The following SLC26A7 variants were observed in gnomAD, a reference collection of about 807,000 sequenced individuals.
SLC26A7 encodes the protein solute carrier family 26 member 7.
SLC26A7 carries 59 observed loss-of-function variants against 82.5 expected under a neutral mutation model. The observed-to-expected ratio is 0.72, with a 90% CI of 0.58 to 0.89. The LOEUF (loss-of-function observed/expected upper bound fraction) is 0.89, where lower values mean the gene tolerates loss of function less well. SLC26A7 is among the 40% of genes least tolerant of loss of function. The probability of loss-of-function intolerance (pLI) is 0.00; values close to 1 mark genes in which losing one functional copy is unlikely to be tolerated. For synonymous variants in SLC26A7, 271 were observed against 274.3 expected (o/e 0.99, Z 0.12); for missense variants, 820 against 793.0 (o/e 1.03, Z -0.41).
intron 2 of SLC26A7, among the ~76,000 whole-genome samples, chr8:91,254,610 A>G (rs1398354693): frequency 5.3e-5 from 8 of 152,056 alleles, no homozygotes; most frequent in African/African-American, 1.4e-4. Flanking sequence ...CAGCAGCTTT[A>G]TTAGACTGCC....
At chr8:91,394,916 A>T in intron 18 of SLC26A7, 146 bp from the exon 19 acceptor site, 1 of 929,514 alleles carries the variant, frequency 1.1e-6, no homozygotes, top group South Asian at 1.8e-5. Context: ...GGAGCTTTGA[A>T]CTGCTCTACT....
chr8:91,279,283 A>G (rs1811501914), intron 2 of SLC26A7, among the ~76,000 whole-genome samples: 1 of 151,272 alleles, frequency 6.6e-6, no homozygotes, highest in Non-Finnish European at 1.5e-5. Context: ...TTTTCGATAT[A>G]CTGATTTCAT....
chr8:91,308,918 A>T (rs1812399854), intron 4 of SLC26A7, among the ~76,000 whole-genome samples: 1 of 152,086 alleles, frequency 6.6e-6, no homozygotes, highest in Non-Finnish European at 1.5e-5. Flanking sequence ...CTACAAGATA[A>T]TCCAGGTTCA....
chr8:91,234,886 TTCTCTCTC>T (rs368880426), intron 2 of SLC26A7, among the ~76,000 whole-genome samples: 1 of 144,064 alleles, frequency 6.9e-6, no homozygotes, highest in Admixed American at 7.0e-5. Flanking sequence ...CCTCCTTCCT[TTCTCTCTC>T]TCTCTCTCTC....
chr8:91,261,088 G>A (rs11989859), intron 2 of SLC26A7, among the ~76,000 whole-genome samples: 1,729 of 152,124 alleles, frequency 0.011, 33 homozygotes, highest in African/African-American at 0.038. Context: ...AACTTTCATC[G>A]TTGCCCACAC....
chr8:91,338,161 A>G lies in SLC26A7; in HGVS notation c.807A>G (p.Ala269=). The G allele has an allele frequency of 1.2e-6, 2 of 1,609,374 alleles. No individual in the cohort carries two copies. The highest frequency in any genetic ancestry group is 1.1e-5 in the South Asian group (1 of 90,066). ...LPVDLVLIIA[A]SFACYCTNME... is the part of the protein sequence containing the mutation. ...ATGGAACCACACAGATTATTGCTGC[A>G]TCATTTGCTTGTTATTGCACCAATA... Residue 269 remains alanine (A), a synonymous_variant, in exon 7 of 19, where the codon GCA becomes GCG. Transcript: ENST00000276609.
chr8:91,329,160 G>A (rs2130823176), intron 5 of SLC26A7, among the ~76,000 whole-genome samples: 1 of 152,212 alleles, frequency 6.6e-6, no homozygotes, highest in South Asian at 2.1e-4. Context: ...CAGATGACTG[G>A]ATTTATACCA....
rs561100924 is a variant in SLC26A7, at chr8:91,252,230, T to C, written c.193+2386T>C. Among the ~76,000 whole-genome samples the C allele has an allele frequency of 5.3e-5, 8 of 152,232 alleles. No individual in the cohort carries two copies. The East Asian group carries it at 1.5e-3, about 29-fold the overall frequency. On this transcript the variant is annotated intron_variant, in intron 2 of 18. Coordinates refer to ENST00000276609, the MANE Select transcript of SLC26A7 (RefSeq NM_052832.4). ...TTTACTGTTTCTTGACCTACAAAGA[T>C]AGAATGTTTATGTTTCAATCTAGTA...
At chr8:91,332,216 A>G (rs1168155296) in intron 5 of SLC26A7, among the ~76,000 whole-genome samples, 1 of 144,628 alleles carries the variant, frequency 6.9e-6, no homozygotes, top group Non-Finnish European at 1.5e-5. Context: ...CTTTCTATAT[A>G]TATTCAATAT....
intron 2 of SLC26A7, among the ~76,000 whole-genome samples, chr8:91,256,110 C>T (rs1428195974): frequency 6.6e-6 from 1 of 152,118 alleles, no homozygotes; most frequent in Non-Finnish European, 1.5e-5. Flanking sequence ...GATTCTCAAA[C>T]TGGAGGCCTA....
chr8:91,337,682 G>C (rs539957780), intron 6 of SLC26A7, among the ~76,000 whole-genome samples: 1 of 152,304 alleles, frequency 6.6e-6, no homozygotes, highest in African/African-American at 2.4e-5. Context: ...CAAGGAGACT[G>C]TAAATCATCA....
chr8:91,345,381 C>T (rs1461603713), intron 9 of SLC26A7, among the ~76,000 whole-genome samples: 3 of 152,132 alleles, frequency 2.0e-5, no homozygotes, highest in Non-Finnish European at 4.4e-5. Context: ...CCTGGCTTCA[C>T]CACTAGTGAA....
At chr8:91,394,674 CA>C in intron 18 of SLC26A7, 1 of 1,099,386 alleles carries the variant, frequency 9.1e-7, no homozygotes, top group Non-Finnish European at 1.1e-6. Flanking sequence ...TATGTATTTA[CA>C]AAATAATAAT....
chr8:91,391,162 A>G (rs1814956019), intron 16 of SLC26A7, among the ~76,000 whole-genome samples: 1 of 152,194 alleles, frequency 6.6e-6, no homozygotes, highest in Non-Finnish European at 1.5e-5. Flanking sequence ...TCAGGATAGT[A>G]CAAAGGTCAA....
chr8:91,374,968 A>G (rs561235007), intron 15 of SLC26A7, among the ~76,000 whole-genome samples: 116 of 152,000 alleles, frequency 7.6e-4, no homozygotes, highest in African/African-American at 2.5e-3. Flanking sequence ...TGAAACCTTT[A>G]TCATTATATA....
intron 2 of SLC26A7, among the ~76,000 whole-genome samples, chr8:91,230,116 A>T (rs1252244943): frequency 6.6e-6 from 1 of 152,160 alleles, no homozygotes; most frequent in Non-Finnish European, 1.5e-5. Flanking sequence ...AGATTCATCC[A>T]TATTGTTGCA....
intron 4 of SLC26A7, among the ~76,000 whole-genome samples, chr8:91,311,944 A>G (rs755381159): frequency 6.6e-6 from 1 of 152,310 alleles, no homozygotes; most frequent in Middle Eastern, 3.4e-3. Flanking sequence ...TCTGCTTAGG[A>G]ACAAAAGGAA....
At chr8:91,235,965 G>T (rs1453886796) in intron 2 of SLC26A7, among the ~76,000 whole-genome samples, 1 of 152,056 alleles carries the variant, frequency 6.6e-6, no homozygotes, top group East Asian at 1.9e-4. Flanking sequence ...AACAAAAGCT[G>T]CCCTATTCAT....
At chr8:91,337,707 G>A (rs1393566027) in intron 6 of SLC26A7, among the ~76,000 whole-genome samples, 5 of 152,142 alleles carry the variant, frequency 3.3e-5, no homozygotes, top group Admixed American at 2.0e-4. Context: ...TTACTAACAT[G>A]GATTAGGAAT....
Sources: gnomAD v4.1 joint callset for allele counts (sites outside exome capture counted in the v4.1 genomes callset) on GRCh38, gnomAD v4.1.1 for gene constraint, MANE v1.5 for transcripts, NCBI Gene and HGNC (gene_info 2026-07-23, HGNC 2026-07-21) for gene names.